FMNL2: variants seen among roughly 807,000 people sequenced by gnomAD.
FMNL2 encodes the protein formin like 2.
In FMNL2, 51 loss-of-function variants were observed where a neutral mutation model predicts 130.2. The observed-to-expected ratio is 0.39, with a 90% CI of 0.31 to 0.49. FMNL2 has a LOEUF of 0.49. Ranked by LOEUF, FMNL2 falls within the 20% of genes least tolerant of loss-of-function variation. The pLI is 0.85. For synonymous variants in FMNL2, 465 were observed against 467.1 expected, an observed-to-expected ratio of 1.00 and a Z score of 0.06; for missense variants, 977 against 1,316.2, an observed-to-expected ratio of 0.74 and a Z score of 3.99.
intron 3 of FMNL2, among the ~76,000 whole-genome samples, chr2:152,545,605 G>C (rs145054955): frequency 2.0e-5 from 3 of 152,098 alleles, no homozygotes; most frequent in African/African-American, 7.2e-5. Context: ...CTTTGCTGGC[G>C]CTGCAGTTGT....
intron 18 of FMNL2, 140 bp from the exon 19 acceptor site, chr2:152,629,516 G>GA: frequency 1.4e-6 from 1 of 717,288 alleles, no homozygotes; most frequent in Non-Finnish European, 2.3e-6. Context: ...GTTATACTTA[G>GA]AAAAAGTAGA....
At chr2:152,463,105 G>C (rs1689339259) in intron 1 of FMNL2, among the ~76,000 whole-genome samples, 1 of 152,164 alleles carries the variant, frequency 6.6e-6, no homozygotes, top group Admixed American at 6.5e-5. Context: ...CGGATTTCTA[G>C]TTGTTAGAAG....
intron 1 of FMNL2, among the ~76,000 whole-genome samples, chr2:152,506,803 A>G (rs1429608332): frequency 6.6e-6 from 1 of 151,312 alleles, no homozygotes; most frequent in Non-Finnish European, 1.5e-5. Flanking sequence ...CTACTAATTT[A>G]GTGGCTGTTT....
intron 1 of FMNL2, among the ~76,000 whole-genome samples, chr2:152,422,729 A>G (rs1175572002): frequency 6.6e-6 from 1 of 152,148 alleles, no homozygotes; most frequent in Non-Finnish European, 1.5e-5. Flanking sequence ...TGATTTTGCC[A>G]TGTTTCCCAG....
chr2:152,502,248 T>G (rs1376006448), intron 1 of FMNL2, among the ~76,000 whole-genome samples: 2 of 152,244 alleles, frequency 1.3e-5, no homozygotes, highest in Non-Finnish European at 2.9e-5. Context: ...GTTGGAAACC[T>G]TAATGGTGAA....
At chr2:152,595,001 G>T (rs1432222453) in intron 9 of FMNL2, among the ~76,000 whole-genome samples, 1 of 152,146 alleles carries the variant, frequency 6.6e-6, no homozygotes, top group Non-Finnish European at 1.5e-5. Flanking sequence ...CGTCACAGGG[G>T]AGTGGAAATG....
chr2:152,534,263 T>C (rs1693864246), intron 2 of FMNL2, among the ~76,000 whole-genome samples: 1 of 152,208 alleles, frequency 6.6e-6, no homozygotes, highest in Non-Finnish European at 1.5e-5. Context: ...GCAGCTTCTT[T>C]AGCTCCTCCC....
Position 152,335,530 on chromosome 2 carries a change from G to T in FMNL2, c.-74G>T, listed in dbSNP as rs1681348897. ...TCGCGCCTGCGGGCGGCAGCCGACC[G>T]CCGGGAGCTGTTCTGATTTCCGACG... On this transcript the variant is annotated 5_prime_UTR_variant, in exon 1 of 26. Coordinates refer to ENST00000288670, the MANE Select transcript of FMNL2 (RefSeq NM_052905.4). The T allele has an allele frequency of 1.0e-5, 13 of 1,286,200 alleles. No homozygotes were observed. The highest frequency in any genetic ancestry group is 1.6e-5 in the African/African-American group (1 of 64,374). The allele number at this position is 1,286,200 out of a possible 1,614,324, so 79.7% of individuals were successfully genotyped here. A position where few individuals can be genotyped will look rare whatever the true frequency, so the allele number is the denominator to read the frequency against.
At chr2:152,618,142 C>T (rs914142728) in intron 13 of FMNL2, among the ~76,000 whole-genome samples, 1 of 152,118 alleles carries the variant, frequency 6.6e-6, no homozygotes. Flanking sequence ...CTATGGGCCC[C>T]CCCCTTATAA....
At chr2:152,503,903 A>T (rs965655301) in intron 1 of FMNL2, among the ~76,000 whole-genome samples, 3 of 152,218 alleles carry the variant, frequency 2.0e-5, no homozygotes, top group Non-Finnish European at 2.9e-5. Context: ...AATGAAGAAC[A>T]ATCAAGCTGG....
At chr2:152,592,820 A>G (rs957567361) in intron 9 of FMNL2, among the ~76,000 whole-genome samples, 7 of 152,228 alleles carry the variant, frequency 4.6e-5, no homozygotes, top group African/African-American at 1.7e-4. Flanking sequence ...ACAGCCTTAC[A>G]TAACATGTCT....
At chr2:152,364,168 A>G (rs1046071482) in intron 1 of FMNL2, among the ~76,000 whole-genome samples, 1 of 151,410 alleles carries the variant, frequency 6.6e-6, no homozygotes, top group Admixed American at 6.6e-5. Flanking sequence ...AGGGTTAAGA[A>G]TTGAGTGTCT....
chr2:152,421,247 C>T (rs1443538177), intron 1 of FMNL2, among the ~76,000 whole-genome samples: 3 of 152,146 alleles, frequency 2.0e-5, no homozygotes, highest in African/African-American at 7.2e-5. Context: ...TCATGGCTTA[C>T]TGTGGGCAGT....
intron 1 of FMNL2, among the ~76,000 whole-genome samples, chr2:152,367,073 G>GTGTTTTTTTT (rs1553869242): frequency 2.3e-5 from 2 of 88,184 alleles, no homozygotes; most frequent in Non-Finnish European, 3.0e-5. Context: ...GTGTGTGTGT[G>GTGTTTTTTTT]TTTGTTTTTT....
At chr2:152,376,086 G>T (rs892213411) in intron 1 of FMNL2, among the ~76,000 whole-genome samples, 3 of 151,776 alleles carry the variant, frequency 2.0e-5, no homozygotes, top group Non-Finnish European at 2.9e-5. Context: ...TAGAGACGGG[G>T]TTTCACCATG....
rs1156228718 is a variant in FMNL2, at chr2:152,633,114, T to TA, written c.2680+978dup. On this transcript the variant is annotated intron_variant, in intron 21 of 25. Transcript: ENST00000288670. ...CTGTGCTCTTCTTTTTTTTTTTTTT[T>TA]AGACAGGGTCTTGCTCTGTGGCCCA... Among the ~76,000 whole-genome samples the TA allele has an allele frequency of 4.6e-5, 7 of 151,704 alleles. No individual in the cohort carries two copies. The South Asian group carries it at 1.0e-3, about 23-fold the overall frequency.
intron 9 of FMNL2, among the ~76,000 whole-genome samples, chr2:152,591,165 C>T (rs865939405): frequency 7.9e-5 from 12 of 151,650 alleles, no homozygotes; most frequent in African/African-American, 2.4e-4. Context: ...AGTGCCACCA[C>T]GCCTGGCTAA....
chr2:152,439,398 G>A (rs1487260943), intron 1 of FMNL2, among the ~76,000 whole-genome samples: 1 of 152,036 alleles, frequency 6.6e-6, no homozygotes, highest in East Asian at 1.9e-4. Flanking sequence ...TTGGATATGT[G>A]TGTGTTTTGG....
chr2:152,437,338 G>T (rs925492211), intron 1 of FMNL2, among the ~76,000 whole-genome samples: 1 of 152,094 alleles, frequency 6.6e-6, no homozygotes, highest in Non-Finnish European at 1.5e-5. Context: ...ACCTCTTGGG[G>T]TATATTTCAC....
Sources: gnomAD v4.1 joint callset for allele counts (sites outside exome capture counted in the v4.1 genomes callset) on GRCh38, gnomAD v4.1.1 for gene constraint, MANE v1.5 for transcripts, NCBI Gene and HGNC (gene_info 2026-07-23, HGNC 2026-07-21) for gene names.